KCNQ3: variants seen among roughly 807,000 people sequenced by gnomAD.
The protein encoded by KCNQ3 is potassium voltage-gated channel subfamily KQT member 3.
Under a neutral mutation model 92.5 loss-of-function variants are expected in KCNQ3, and 30 were observed. That is an observed-to-expected ratio of 0.32 (90% confidence interval 0.24 to 0.44). The LOEUF (loss-of-function observed/expected upper bound fraction) is 0.44. Among genes scored for constraint, KCNQ3 ranks in the 20% least tolerant of loss-of-function variants. The pLI, the probability that KCNQ3 is intolerant of heterozygous loss-of-function variation, is 1.00. For missense variants in KCNQ3, 913 were observed against 1,140.3 expected, an observed-to-expected ratio of 0.80 and a Z score of 2.87; for synonymous variants, 450 against 468.8, an observed-to-expected ratio of 0.96 and a Z score of 0.52.
chr8:132,336,241 C>T (rs1818365152), intron 1 of KCNQ3, among the ~76,000 whole-genome samples: 1 of 152,210 alleles, frequency 6.6e-6, no homozygotes, highest in African/African-American at 2.4e-5. Context: ...GTCTCCCCTG[C>T]ACCATTGGCA....
chr8:132,174,429 G>A (rs1007866753), intron 5 of KCNQ3, 80 bp from the exon 6 acceptor site: 2 of 1,082,086 alleles, frequency 1.8e-6, no homozygotes, highest in African/African-American at 3.1e-5. Context: ...CTACCTGTAA[G>A]CCTCTCCATC....
chr8:132,361,650 T>C lies in KCNQ3; in HGVS notation c.386+118497A>G, dbSNP rs558960238. On this transcript the variant is annotated intron_variant, in intron 1 of 14. Coordinates refer to ENST00000388996, the MANE Select transcript of KCNQ3 (RefSeq NM_004519.4). ...AGAAATGTAAAAGGGTCAACATTAA[T>C]AGCAACCAAAGAAAAGAAAATGAAA... Among the ~76,000 whole-genome samples, 50 of 152,254 alleles carry C rather than the reference T, an allele frequency of 3.3e-4. No homozygotes were observed. In the Middle Eastern group the frequency reaches 0.01, roughly 31 times the overall value.
chr8:132,387,812 G>A (rs1252133650), intron 1 of KCNQ3, among the ~76,000 whole-genome samples: 1 of 152,026 alleles, frequency 6.6e-6, no homozygotes, highest in Non-Finnish European at 1.5e-5. Flanking sequence ...ACCAGCCTGG[G>A]AAGTATAGTG....
At chr8:132,220,334 C>G (rs1814184930) in intron 1 of KCNQ3, among the ~76,000 whole-genome samples, 1 of 152,206 alleles carries the variant, frequency 6.6e-6, no homozygotes, top group Non-Finnish European at 1.5e-5. Context: ...AAGGAATACT[C>G]TTTAAGGCAT....
intron 9 of KCNQ3, among the ~76,000 whole-genome samples, chr8:132,148,238 T>C (rs930370): frequency 0.84 from 128,106 of 152,032 alleles, 54,272 homozygotes; most frequent in Middle Eastern, 0.89. Flanking sequence ...TTGAAGAAGA[T>C]GATGGTAATT....
At chr8:132,350,770 T>C (rs1212657607) in intron 1 of KCNQ3, among the ~76,000 whole-genome samples, 2 of 152,194 alleles carry the variant, frequency 1.3e-5, no homozygotes, top group South Asian at 2.1e-4. Flanking sequence ...TAGGCAGCCA[T>C]GGAGGAAATG....
chr8:132,252,500 C>G (rs984016039), intron 1 of KCNQ3, among the ~76,000 whole-genome samples: 8 of 152,132 alleles, frequency 5.3e-5, no homozygotes, highest in African/African-American at 1.7e-4. Context: ...AGTGAGGACC[C>G]AAAGAGTGAG....
At position 132,184,304 on chromosome 8, in the gene KCNQ3, A is replaced by G. The variant is rs752713815; in HGVS notation, c.541T>C (p.Cys181Arg). The change falls in exon 3 of 15, where the codon TGC (cysteine) becomes CGC (arginine). Residue 181 changes from cysteine (C) to arginine (R), a missense_variant. Cys to Arg is a radical substitution (Grantham distance 180). Around this residue, in one of 6 missense-constraint regions of KCNQ3, gnomAD observed 100 missense variants for 217.6 expected, o/e 0.46. Transcript: ENST00000388996. ...CCCCGCCAGCCTTTGTATCGGCAGC[A>G]ACATCCAGCAGCCCAGATCCTCAAA... ...FALRIWAAGC[C>R]CRYKGWRGRL... The G allele has an allele frequency of 1.2e-6, 2 of 1,614,198 alleles. No homozygotes were observed. Among genetic ancestry groups the G allele is most frequent in the Non-Finnish European group, 1.7e-6 (2 of 1,180,022 alleles).
intron 1 of KCNQ3, among the ~76,000 whole-genome samples, chr8:132,406,499 G>A (rs1563898745): frequency 6.6e-6 from 1 of 151,632 alleles, no homozygotes; most frequent in Non-Finnish European, 1.5e-5. Flanking sequence ...TTCCATTCCT[G>A]AGCCCCACTC....
At chr8:132,391,065 A>G (rs900917769) in intron 1 of KCNQ3, among the ~76,000 whole-genome samples, 11 of 152,218 alleles carry the variant, frequency 7.2e-5, no homozygotes, top group African/African-American at 2.4e-4. Flanking sequence ...ATAAGTGGAT[A>G]TTACCACTTG....
chr8:132,234,578 T>A (rs1586851220), intron 1 of KCNQ3, among the ~76,000 whole-genome samples: 2 of 152,234 alleles, frequency 1.3e-5, no homozygotes, highest in Admixed American at 1.3e-4. Flanking sequence ...AAACACACAC[T>A]ATATACTGGA....
In KCNQ3 at chr8:132,356,712, A is replaced by G. The variant is rs114469540; in HGVS notation, c.386+123435T>C. On this transcript the variant is annotated intron_variant, in intron 1 of 14. Transcript: ENST00000388996. ...ACCCAGAGGGAAAGGGACTGTGATT[A>G]ATGCCCTTCTCAAAAACTCCAGCAC... is the stretch of plus-strand genomic sequence containing the variant. 5.3e-3 allele frequency among the ~76,000 whole-genome samples: 801 copies of G among 152,328 alleles called. 6 individuals carry two copies. Among genetic ancestry groups the G allele is most frequent in the African/African-American group, 0.018 (750 of 41,564 alleles).
intron 1 of KCNQ3, among the ~76,000 whole-genome samples, chr8:132,192,426 C>G (rs1476401705): frequency 6.6e-6 from 1 of 152,230 alleles, no homozygotes; most frequent in Non-Finnish European, 1.5e-5. Flanking sequence ...ATCAGTCCCA[C>G]TGATGGACAA....
chr8:132,284,878 G>A (rs1246956697), intron 1 of KCNQ3, among the ~76,000 whole-genome samples: 1 of 152,190 alleles, frequency 6.6e-6, no homozygotes, highest in Non-Finnish European at 1.5e-5. Context: ...TAATTCCCAT[G>A]AGGGTGAGCA....
chr8:132,160,537 T>C (rs1460553827), intron 9 of KCNQ3, among the ~76,000 whole-genome samples: 1 of 152,182 alleles, frequency 6.6e-6, no homozygotes, highest in African/African-American at 2.4e-5. Flanking sequence ...AAGAGAGGAT[T>C]TAACAGGTGT....
chr8:132,345,988 T>C lies in KCNQ3; in HGVS notation c.386+134159A>G, dbSNP rs190512721. Among the ~76,000 whole-genome samples, 24 of 151,844 alleles carry C rather than the reference T, an allele frequency of 1.6e-4. No individual in the cohort carries two copies. In the East Asian group the frequency reaches 4.3e-3, roughly 27 times the overall value. On this transcript the variant is annotated intron_variant, in intron 1 of 14. Coordinates refer to ENST00000388996, the MANE Select transcript of KCNQ3 (RefSeq NM_004519.4). ...GGTGATAATGTGATGAGTATTATGA[T>C]GGGATGGTGATGATGACAATGATGA... is the stretch of plus-strand genomic sequence containing the variant.
intron 1 of KCNQ3, among the ~76,000 whole-genome samples, chr8:132,422,731 A>C (rs1176008776): frequency 6.6e-6 from 1 of 152,114 alleles, no homozygotes. Flanking sequence ...CCAAATCCTA[A>C]TGCATAATTA....
chr8:132,251,954 A>G (rs1382423780), intron 1 of KCNQ3, among the ~76,000 whole-genome samples: 1 of 152,236 alleles, frequency 6.6e-6, no homozygotes, highest in African/African-American at 2.4e-5. Context: ...TAAGTCCATT[A>G]GTCCTTTCTC....
At chr8:132,194,360 G>T (rs1281906901) in intron 1 of KCNQ3, among the ~76,000 whole-genome samples, 1 of 152,184 alleles carries the variant, frequency 6.6e-6, no homozygotes, top group Non-Finnish European at 1.5e-5. Context: ...CAATTGAAAA[G>T]CCTCAGATGT....
Sources: allele counts gnomAD v4.1 joint callset (sites outside exome capture counted in the v4.1 genomes callset), GRCh38; gene constraint gnomAD v4.1.1; regional missense constraint gnomAD v4.1.1; transcripts MANE v1.5; gene names NCBI Gene and HGNC (gene_info 2026-07-23, HGNC 2026-07-21).